The following KCNH5 variants were observed in gnomAD, a reference collection of about 807,000 sequenced individuals.
KCNH5 encodes potassium voltage-gated channel subfamily H member 5, also known as voltage-gated delayed rectifier potassium channel KCNH5.
KCNH5 carries 46 observed loss-of-function variants against 96.1 expected under a neutral mutation model. The observed-to-expected ratio is 0.48, with a 90% CI of 0.38 to 0.61. KCNH5 has a LOEUF of 0.61. Among genes scored for constraint, KCNH5 ranks in the 20% least tolerant of loss-of-function variants. The probability of loss-of-function intolerance (pLI) is 0.00; values close to 1 mark genes in which losing one functional copy is unlikely to be tolerated. For synonymous variants in KCNH5, 439 were observed against 449.8 expected, an observed-to-expected ratio of 0.98 and a Z score of 0.30; for missense variants, 907 against 1,225.8, an observed-to-expected ratio of 0.74 and a Z score of 3.88.
At position 62,701,201 on chromosome 14, in the gene KCNH5, T is replaced by G. The variant is rs1012765560; in HGVS notation, c.*6307A>C. ...GAACCAGAGGTTCTAAACTCATTGG[T>G]TGGTGGGAGAACACTTATTTCTAAA... On this transcript the variant is annotated 3_prime_UTR_variant, in exon 11 of 11. Transcript: ENST00000322893. 1 of 152,118 alleles carries G rather than the reference T, an allele frequency of 6.6e-6. No individual in the cohort carries two copies. The highest frequency in any genetic ancestry group is 2.4e-5 in the African/African-American group (1 of 41,436). 9.4% of individuals were successfully genotyped at this position (152,118 alleles called of 1,614,324 possible). A position where few individuals can be genotyped will look rare whatever the true frequency, so the allele number is the denominator to read the frequency against.
intron 7 of KCNH5, among the ~76,000 whole-genome samples, chr14:62,870,091 T>C (rs200031762): frequency 6.6e-6 from 1 of 152,158 alleles, no homozygotes; most frequent in Non-Finnish European, 1.5e-5. Context: ...AGAGACCTTT[T>C]AGGAAGTAAG....
chr14:63,044,549 A>G (rs1464405485), intron 1 of KCNH5, among the ~76,000 whole-genome samples: 1 of 152,228 alleles, frequency 6.6e-6, no homozygotes, highest in African/African-American at 2.4e-5. Flanking sequence ...GTCCACAGTA[A>G]TTGGCTTCCC....
chr14:62,787,132 CCAAA>C (rs1327362020), intron 9 of KCNH5, among the ~76,000 whole-genome samples: 2 of 152,138 alleles, frequency 1.3e-5, no homozygotes, highest in Non-Finnish European at 2.9e-5. Context: ...GCCTCTTGCA[CCAAA>C]CAGCTAGCCA....
chr14:62,961,522 T>C (rs948789787), intron 6 of KCNH5, among the ~76,000 whole-genome samples: 2 of 152,108 alleles, frequency 1.3e-5, no homozygotes, highest in African/African-American at 4.8e-5. Flanking sequence ...GCTGAGGGAA[T>C]GAGGTAACAG....
At chr14:62,907,633 C>G (rs755212407) in intron 7 of KCNH5, among the ~76,000 whole-genome samples, 14 of 152,140 alleles carry the variant, frequency 9.2e-5, no homozygotes, top group Non-Finnish European at 1.9e-4. Flanking sequence ...GGGTCAATTG[C>G]CTAGACAAGG....
At chr14:62,981,676 C>T (rs140487856) in intron 5 of KCNH5, among the ~76,000 whole-genome samples, 96 of 152,268 alleles carry the variant, frequency 6.3e-4, no homozygotes, top group African/African-American at 2.2e-3. Context: ...ATTCTGATGG[C>T]CTCGCTGGAC....
intron 7 of KCNH5, among the ~76,000 whole-genome samples, chr14:62,931,326 CG>C (rs1329992805): frequency 1.3e-5 from 2 of 152,054 alleles, no homozygotes; most frequent in East Asian, 1.9e-4. Flanking sequence ...TACATAAATC[CG>C]GATGATAAAC....
At chr14:62,962,140 A>G (rs927403509) in intron 6 of KCNH5, among the ~76,000 whole-genome samples, 1 of 152,148 alleles carries the variant, frequency 6.6e-6, no homozygotes, top group Non-Finnish European at 1.5e-5. Flanking sequence ...GAAGATGGAG[A>G]TGGAGATGAG....
intron 10 of KCNH5, among the ~76,000 whole-genome samples, chr14:62,760,191 A>T (rs1268387360): frequency 6.6e-6 from 1 of 152,164 alleles, no homozygotes; most frequent in Non-Finnish European, 1.5e-5. Flanking sequence ...GTCATTTGAC[A>T]TCCTAGTTTC....
In KCNH5 at chr14:63,000,808, C is replaced by G. The variant is rs183827544; in HGVS notation, c.433+523G>C. 1.8e-3 allele frequency among the ~76,000 whole-genome samples: 272 copies of G among 152,162 alleles called. 1 individual carries two copies. Among genetic ancestry groups the G allele is most frequent in the Middle Eastern group, 0.014 (4 of 294 alleles). The stretch of plus-strand genomic sequence containing the variant: ...AACAATGCTCAGCCAGGTGTATGGC[C>G]CACGTCTGTAATCCCAGCACTTTGG... On this transcript the variant is annotated intron_variant, in intron 4 of 10. Coordinates refer to ENST00000322893, the MANE Select transcript of KCNH5 (RefSeq NM_139318.5).
intron 10 of KCNH5, chr14:62,712,386 A>T: frequency 2.2e-6 from 1 of 444,492 alleles, no homozygotes; most frequent in Non-Finnish European, 4.0e-6. Context: ...AGTGTCATGG[A>T]ATGAGAACAT....
At chr14:62,835,150 A>G (rs1179267728) in intron 8 of KCNH5, among the ~76,000 whole-genome samples, 2 of 152,164 alleles carry the variant, frequency 1.3e-5, no homozygotes, top group South Asian at 2.1e-4. Context: ...CGAAAGCTCA[A>G]TACAACCAAG....
At chr14:62,930,114 G>A (rs776555920) in intron 7 of KCNH5, among the ~76,000 whole-genome samples, 2 of 152,032 alleles carry the variant, frequency 1.3e-5, no homozygotes, top group Non-Finnish European at 2.9e-5. Context: ...GTGTCTTTTT[G>A]TTATAATGAT....
intron 2 of KCNH5, among the ~76,000 whole-genome samples, chr14:63,014,837 G>A (rs1321471838): frequency 6.6e-6 from 1 of 152,104 alleles, no homozygotes; most frequent in Non-Finnish European, 1.5e-5. Flanking sequence ...AAGACGGGAT[G>A]TCAGCAGTCC....
intron 5 of KCNH5, among the ~76,000 whole-genome samples, chr14:62,984,927 C>T (rs1172051404): frequency 6.6e-6 from 1 of 152,150 alleles, no homozygotes; most frequent in African/African-American, 2.4e-5. Context: ...CCCCCTTTCA[C>T]TTGTTGTCGC....
chr14:62,835,918 G>A, intron 8 of KCNH5, among the ~76,000 whole-genome samples: 1 of 151,952 alleles, frequency 6.6e-6, no homozygotes, highest in Non-Finnish European at 1.5e-5. Context: ...TTTGTAGGAT[G>A]ATTTCATTAC....
chr14:62,918,566 A>C (rs1889320561), intron 7 of KCNH5, among the ~76,000 whole-genome samples: 1 of 152,170 alleles, frequency 6.6e-6, no homozygotes, highest in Admixed American at 6.5e-5. Context: ...AAAACAATGG[A>C]TAGAGGACAT....
chr14:63,013,167 G>C (rs1443067295), intron 2 of KCNH5, among the ~76,000 whole-genome samples: 1 of 151,738 alleles, frequency 6.6e-6, no homozygotes, highest in African/African-American at 2.4e-5. Context: ...AGAAATATTA[G>C]CCTCTTGATA....
rs763460218 is a variant in KCNH5, at chr14:62,946,514, G to T, written c.1369+3619C>A. Among the ~76,000 whole-genome samples, 137 of 147,120 alleles carry T rather than the reference G, an allele frequency of 9.3e-4. 1 individual carries two copies. Among genetic ancestry groups the T allele is most frequent in the Middle Eastern group, 3.5e-3 (1 of 286 alleles). On this transcript the variant is annotated intron_variant, in intron 7 of 10. Coordinates refer to ENST00000322893, the MANE Select transcript of KCNH5 (RefSeq NM_139318.5). The stretch of plus-strand genomic sequence containing the variant: ...ACAGCAGCTTTGTGTTTTTTGTGTG[G>T]TTTTTTTTTTTATTTTCAGTTCCAG...
Sources: gnomAD v4.1 joint callset for allele counts (sites outside exome capture counted in the v4.1 genomes callset) on GRCh38, gnomAD v4.1.1 for gene constraint, MANE v1.5 for transcripts, NCBI Gene and HGNC (gene_info 2026-07-23, HGNC 2026-07-21) for gene names.